The following ACSS3 variants were observed in gnomAD, a reference collection of about 807,000 sequenced individuals.
ACSS3 encodes acyl-CoA synthetase short chain family member 3, also known as acyl-CoA synthetase short-chain family member 3, mitochondrial.
Under a neutral mutation model 84.2 loss-of-function variants are expected in ACSS3, and 64 were observed. The observed-to-expected ratio is 0.76, with a 90% confidence interval of 0.62 to 0.94. ACSS3 has a LOEUF of 0.94. Ranked by LOEUF, ACSS3 falls within the 40% of genes least tolerant of loss-of-function variation. The pLI, the probability that ACSS3 is intolerant of heterozygous loss-of-function variation, is 0.00. For synonymous variants in ACSS3, 317 were observed against 310.1 expected (o/e 1.02, Z -0.23); for missense variants, 815 against 867.6 (o/e 0.94, Z 0.76).
At position 81,134,899 on chromosome 12, in the gene ACSS3, G is replaced by A. The variant is rs1475787214; in HGVS notation, c.540G>A (p.Gln180=). The A allele has an allele frequency of 6.2e-7, 1 of 1,606,004 alleles. No individual in the cohort carries two copies. Among genetic ancestry groups the A allele is most frequent in the Admixed American group, 1.7e-5 (1 of 58,990 alleles). The change falls in exon 3 of 16, where the codon CAG becomes CAA. Residue 180 remains glutamine, a synonymous_variant. Transcript: ENST00000548058. ...TVVIYMPMIP[Q]AMYTMLACAR... is the part of the protein sequence containing the mutation. ...TTATCTACATGCCTATGATCCCACAGGCGATGTATACCATGTTGGCATGTG... is the reference window on the plus strand; with the variant it reads ...TTATCTACATGCCTATGATCCCACAAGCGATGTATACCATGTTGGCATGTG...
intron 1 of ACSS3, among the ~76,000 whole-genome samples, chr12:81,084,724 G>C (rs139107044): frequency 6.6e-6 from 1 of 152,066 alleles, no homozygotes; most frequent in Non-Finnish European, 1.5e-5. Flanking sequence ...AAAAGAAAGA[G>C]CAAGATATTC....
chr12:81,214,279 G>A (rs61934664), intron 9 of ACSS3, among the ~76,000 whole-genome samples: 63,838 of 151,578 alleles, frequency 0.42, 14,088 homozygotes, highest in Middle Eastern at 0.49. Context: ...ACCAGCCTCG[G>A]CCTCCGAAAG....
At chr12:81,177,307 G>A (rs1157949835) in intron 8 of ACSS3, among the ~76,000 whole-genome samples, 1 of 152,122 alleles carries the variant, frequency 6.6e-6, no homozygotes, top group Non-Finnish European at 1.5e-5. Flanking sequence ...GGAAGTCCTT[G>A]ACAAAGTAAT....
At chr12:81,088,467 T>C (rs11834184) in intron 1 of ACSS3, among the ~76,000 whole-genome samples, 11,183 of 152,054 alleles carry the variant, frequency 0.074, 693 homozygotes, top group East Asian at 0.2. Context: ...TTATCTGTTA[T>C]CATAAAAACA....
chr12:81,221,652 G>A (rs945466441), intron 11 of ACSS3, among the ~76,000 whole-genome samples: 1 of 152,000 alleles, frequency 6.6e-6, no homozygotes, highest in African/African-American at 2.4e-5. Flanking sequence ...TATTGAACAT[G>A]CCATTTGTAT....
chr12:81,129,873 G>A (rs1343028721), intron 2 of ACSS3, among the ~76,000 whole-genome samples: 1 of 150,330 alleles, frequency 6.7e-6, no homozygotes, highest in East Asian at 2.0e-4. Flanking sequence ...AGAACATGTG[G>A]TGTTTGGTTT....
chr12:81,130,896 A>C (rs1885451533), intron 2 of ACSS3, among the ~76,000 whole-genome samples: 1 of 152,114 alleles, frequency 6.6e-6, no homozygotes, highest in South Asian at 2.1e-4. Context: ...TCCTTTCCCC[A>C]TTTCTTGTTT....
chr12:81,121,153 T>C (rs1035665394), intron 2 of ACSS3, among the ~76,000 whole-genome samples: 4 of 152,234 alleles, frequency 2.6e-5, no homozygotes, highest in African/African-American at 4.8e-5. Flanking sequence ...CCTATATTGA[T>C]TGGCTTTTGA....
intron 1 of ACSS3, among the ~76,000 whole-genome samples, chr12:81,108,074 G>A (rs1329561702): frequency 6.6e-6 from 1 of 152,060 alleles, no homozygotes; most frequent in Non-Finnish European, 1.5e-5. Flanking sequence ...AGAGTAGGAT[G>A]CTGGGAAGAG....
rs1469259621 is a variant in ACSS3 at position 81,111,679 on chromosome 12, A to AT, written c.456+1976dup. On this transcript the variant is annotated intron_variant, in intron 2 of 15. Coordinates refer to ENST00000548058, the MANE Select transcript of ACSS3 (RefSeq NM_024560.4). ...GAACACATATTTGGGTGTGCCTGTC[A>AT]TACAGGGTCTTTCTCAGGGTATGGT... Among the ~76,000 whole-genome samples the AT allele has an allele frequency of 2.0e-5, 3 of 152,186 alleles. No homozygotes were observed. In the East Asian group the frequency reaches 5.8e-4, roughly 29 times the overall value.
chr12:81,194,221 G>GT (rs1293652426), intron 8 of ACSS3, among the ~76,000 whole-genome samples: 1 of 151,416 alleles, frequency 6.6e-6, no homozygotes, highest in African/African-American at 2.4e-5. Flanking sequence ...GTGTAGTTTT[G>GT]TTTACTAAAA....
At chr12:81,142,882 G>A (rs1362874583) in intron 4 of ACSS3, among the ~76,000 whole-genome samples, 3 of 152,120 alleles carry the variant, frequency 2.0e-5, no homozygotes, top group African/African-American at 7.2e-5. Context: ...AATGAAACAT[G>A]CTTTTTTGTC....
chr12:81,188,669 T>G (rs1280710074), intron 8 of ACSS3, among the ~76,000 whole-genome samples: 2 of 152,142 alleles, frequency 1.3e-5, no homozygotes, highest in Non-Finnish European at 2.9e-5. Context: ...TGCCTTGAGC[T>G]TCATCCATAA....
intron 7 of ACSS3, among the ~76,000 whole-genome samples, chr12:81,160,440 AAATTCTG>A (rs1174575207): frequency 6.6e-6 from 1 of 152,222 alleles, no homozygotes; most frequent in African/African-American, 2.4e-5. Context: ...TGAGGATTTA[AAATTCTG>A]AATGATGGTA....
intron 11 of ACSS3, among the ~76,000 whole-genome samples, chr12:81,230,755 T>G (rs2033430334): frequency 6.6e-6 from 1 of 151,908 alleles, no homozygotes; most frequent in African/African-American, 2.4e-5. Flanking sequence ...TTTGGTTCTT[T>G]TTTTGCAGAT....
At chr12:81,169,031 A>G (rs1379085934) in intron 7 of ACSS3, among the ~76,000 whole-genome samples, 1 of 152,212 alleles carries the variant, frequency 6.6e-6, no homozygotes, top group East Asian at 1.9e-4. Flanking sequence ...ATCAAGGCCA[A>G]TTGAATCAGA....
intron 9 of ACSS3, among the ~76,000 whole-genome samples, chr12:81,215,193 GA>G (rs1299410295): frequency 9.2e-5 from 14 of 152,162 alleles, no homozygotes; most frequent in Non-Finnish European, 8.8e-5. Context: ...AGGAGTATTA[GA>G]TGGCTATGGA....
At chr12:81,134,008 A>T (rs1885659246) in intron 2 of ACSS3, among the ~76,000 whole-genome samples, 1 of 151,824 alleles carries the variant, frequency 6.6e-6, no homozygotes, top group Non-Finnish European at 1.5e-5. Context: ...TTTTGTCTTT[A>T]TTGCTAGAAA....
chr12:81,213,934 T>TTCA, intron 9 of ACSS3, among the ~76,000 whole-genome samples: 1 of 113,912 alleles, frequency 8.8e-6, no homozygotes, highest in Non-Finnish European at 1.9e-5. Context: ...CCTTCCTTCC[T>TTCA]TTCTCTCTCT....
Sources: gnomAD v4.1 joint callset for allele counts (sites outside exome capture counted in the v4.1 genomes callset) on GRCh38, gnomAD v4.1.1 for gene constraint, MANE v1.5 for transcripts, NCBI Gene and HGNC (gene_info 2026-07-23, HGNC 2026-07-21) for gene names.